SCLT1: variants seen among roughly 807,000 people sequenced by gnomAD.
SCLT1 encodes sodium channel and clathrin linker 1.
Under a neutral mutation model 112.8 loss-of-function variants are expected in SCLT1, and 78 were observed. The ratio of observed to expected loss-of-function variants is 0.69; its 90% confidence interval spans 0.58 to 0.83. The LOEUF (loss-of-function observed/expected upper bound fraction) is 0.83. Ranked by LOEUF, SCLT1 falls within the 40% of genes least tolerant of loss-of-function variation. SCLT1 has a pLI of 0.00. For missense variants in SCLT1, 747 were observed against 770.4 expected (o/e 0.97, Z 0.36); for synonymous variants, 257 against 254.7 (o/e 1.01, Z -0.09).
chr4:128,912,848 G>C (rs1226795224), intron 18 of SCLT1, among the ~76,000 whole-genome samples: 3 of 151,938 alleles, frequency 2.0e-5, no homozygotes, highest in Non-Finnish European at 4.4e-5. Flanking sequence ...GAAACAGAAA[G>C]AAAAAAAGAT....
chr4:129,044,312 T>C (rs1350229405), intron 2 of SCLT1, among the ~76,000 whole-genome samples: 3 of 152,076 alleles, frequency 2.0e-5, no homozygotes, highest in Non-Finnish European at 2.9e-5. Context: ...GCCAGAAATC[T>C]ACATCAATTA....
At chr4:128,873,299 GAA>G (rs1329509723) in intron 5 of SCLT1, 4 of 121,392 alleles carry the variant, frequency 3.3e-5, no homozygotes, top group Non-Finnish European at 7.3e-5. Context: ...AAAGAAAAAA[GAA>G]AAAAAGAGAA....
At chr4:129,008,906 C>T (rs1209638342) in intron 5 of SCLT1, among the ~76,000 whole-genome samples, 1 of 152,180 alleles carries the variant, frequency 6.6e-6, no homozygotes, top group African/African-American at 2.4e-5. Context: ...TAAGTGAGAA[C>T]ATGAAGTATT....
Position 128,990,956 on chromosome 4 carries a change from C to T in SCLT1, c.686+1211G>A, listed in dbSNP as rs1309210816. Among the ~76,000 whole-genome samples the T allele has an allele frequency of 3.3e-5, 5 of 151,760 alleles. No individual in the cohort carries two copies. The East Asian group carries it at 9.6e-4, about 29-fold the overall frequency. On this transcript the variant is annotated intron_variant, in intron 9 of 20. Transcript: ENST00000281142. ...TGACACAAAACAATGGAAAGATATT[C>T]CATGTTCATGAATCAGAAGAATCAA...
At chr4:129,016,748 G>A (rs1278259757) in intron 5 of SCLT1, among the ~76,000 whole-genome samples, 3 of 152,130 alleles carry the variant, frequency 2.0e-5, no homozygotes, top group Non-Finnish European at 4.4e-5. Context: ...ATTAGGGAAA[G>A]CAGCCCCAAA....
chr4:129,086,591 C>A (rs1442926113), intron 1 of SCLT1, among the ~76,000 whole-genome samples: 1 of 152,054 alleles, frequency 6.6e-6, no homozygotes, highest in African/African-American at 2.4e-5. Context: ...TACTAAACAG[C>A]ATTTGGTATG....
intron 5 of SCLT1, among the ~76,000 whole-genome samples, chr4:129,020,713 A>G (rs1745393176): frequency 6.6e-6 from 1 of 152,218 alleles, no homozygotes; most frequent in South Asian, 2.1e-4. Context: ...CTTATCATAT[A>G]TTCCTTATTA....
intron 20 of SCLT1, among the ~76,000 whole-genome samples, chr4:128,888,242 G>T (rs1251997793): frequency 6.6e-6 from 1 of 151,330 alleles, no homozygotes; most frequent in East Asian, 1.9e-4. Flanking sequence ...ACAGAGTGAG[G>T]GTCTCACTCT....
chr4:128,964,145 T>TA (rs1319380570), intron 11 of SCLT1, among the ~76,000 whole-genome samples: 1 of 152,200 alleles, frequency 6.6e-6, no homozygotes, highest in Non-Finnish European at 1.5e-5. Flanking sequence ...CAGTGTCCCA[T>TA]ACTCAACAGT....
intron 18 of SCLT1, among the ~76,000 whole-genome samples, chr4:128,898,580 G>A (rs528195599): frequency 2.6e-5 from 4 of 151,844 alleles, no homozygotes; most frequent in Admixed American, 6.6e-5. Flanking sequence ...AGGAAAGATC[G>A]AAAATTGACA....
At chr4:128,899,681 C>G (rs975037964) in intron 18 of SCLT1, among the ~76,000 whole-genome samples, 1 of 149,630 alleles carries the variant, frequency 6.7e-6, no homozygotes, top group Admixed American at 6.7e-5. Context: ...CCAGGGCAAT[C>G]AGGCAGGAGA....
intron 5 of SCLT1, among the ~76,000 whole-genome samples, chr4:129,007,775 A>G (rs773768629): frequency 2.0e-5 from 3 of 152,112 alleles, no homozygotes; most frequent in South Asian, 4.1e-4. Context: ...AGTATTTCCT[A>G]TATGTCTTGA....
At position 128,936,686 on chromosome 4, in the gene SCLT1, C is replaced by G; in HGVS notation, c.1798G>C (p.Glu600Gln). The G allele has an allele frequency of 6.2e-7, 1 of 1,603,124 alleles. No homozygotes were observed. The highest frequency in any genetic ancestry group is 8.5e-7 in the Non-Finnish European group (1 of 1,176,682). ...RWKEETKKLT[E>Q]SAEIRINNLK... ...TTATTGATTCTAATTTCTGCACTTT[C>G]AGTAAGTTTCTTCGTTTCTTCTTTC... The change falls in exon 18 of 21, where the codon GAA becomes CAA. Residue 600 changes from glutamate (E) to glutamine (Q), a missense_variant. Physicochemically the swap from Glu to Gln is conservative, Grantham distance 29 (BLOSUM62 2). Transcript: ENST00000281142.
chr4:129,057,095 G>A (rs532255318), intron 2 of SCLT1, among the ~76,000 whole-genome samples: 4 of 152,122 alleles, frequency 2.6e-5, no homozygotes, highest in South Asian at 4.1e-4. Context: ...TGAGATTATC[G>A]TATGGTTTTT....
chr4:129,064,239 A>G (rs2125738831), intron 2 of SCLT1, among the ~76,000 whole-genome samples: 1 of 152,320 alleles, frequency 6.6e-6, no homozygotes, highest in Admixed American at 6.5e-5. Flanking sequence ...CCAGTCATAT[A>G]TATGGTTTGC....
intron 18 of SCLT1, among the ~76,000 whole-genome samples, chr4:128,934,865 G>A (rs555633966): frequency 9.2e-5 from 14 of 151,926 alleles, no homozygotes; most frequent in Admixed American, 8.5e-4. Flanking sequence ...TGGTAATAGT[G>A]AACTTCTTTG....
chr4:129,081,097 C>T (rs1022223536), intron 2 of SCLT1, among the ~76,000 whole-genome samples: 2 of 152,098 alleles, frequency 1.3e-5, no homozygotes, highest in Non-Finnish European at 2.9e-5. Context: ...CTCCTGAAAC[C>T]CACTCCTACC....
intron 18 of SCLT1, among the ~76,000 whole-genome samples, chr4:128,895,214 G>C (rs1733646509): frequency 1.3e-5 from 2 of 152,108 alleles, no homozygotes; most frequent in Non-Finnish European, 2.9e-5. Context: ...AATATAGTGG[G>C]TTTCCCTCTC....
At chr4:129,090,135 A>C (rs1752711590) in intron 1 of SCLT1, among the ~76,000 whole-genome samples, 1 of 152,232 alleles carries the variant, frequency 6.6e-6, no homozygotes, top group Non-Finnish European at 1.5e-5. Flanking sequence ...CTAACAAAAG[A>C]TGTGCAAAAC....
Sources: allele counts gnomAD v4.1 joint callset (sites outside exome capture counted in the v4.1 genomes callset), GRCh38; gene constraint gnomAD v4.1.1; transcripts MANE v1.5; gene names NCBI Gene and HGNC (gene_info 2026-07-23, HGNC 2026-07-21).